The following DSC3 variants were observed in gnomAD, a reference collection of about 807,000 sequenced individuals.
DSC3 encodes desmocollin-3.
DSC3 carries 97 observed loss-of-function variants against 89.5 expected under a neutral mutation model. The ratio of observed to expected loss-of-function variants is 1.08; its 90% CI spans 0.92 to 1.28. The LOEUF (loss-of-function observed/expected upper bound fraction) is 1.28, where lower values mean the gene tolerates loss of function less well. DSC3 is among the 50% of genes most tolerant of loss of function. The probability of loss-of-function intolerance (pLI) is 0.00; values close to 1 mark genes in which losing one functional copy is unlikely to be tolerated. For missense variants in DSC3, 1,199 were observed against 1,085.3 expected, an observed-to-expected ratio of 1.10 and a Z score of -1.47; for synonymous variants, 436 against 384.1, an observed-to-expected ratio of 1.14 and a Z score of -1.58.
At chr18:31,037,153 TG>T (rs1199858655) in intron 1 of DSC3, among the ~76,000 whole-genome samples, 1 of 152,210 alleles carries the variant, frequency 6.6e-6, no homozygotes, top group Non-Finnish European at 1.5e-5. Context: ...TCACATTTTT[TG>T]TTACATTTAT....
At chr18:30,996,312 C>T (rs759965290) in intron 15 of DSC3, among the ~76,000 whole-genome samples, 7 of 152,092 alleles carry the variant, frequency 4.6e-5, no homozygotes, top group Non-Finnish European at 7.4e-5. Flanking sequence ...CATAATATCA[C>T]TTTGTGCCCC....
chr18:31,042,709 AGAGCGAG>A lies in DSC3; in HGVS notation c.-56_-50del. On this transcript the variant is annotated 5_prime_UTR_variant, in exon 1 of 16. Coordinates refer to ENST00000360428, the MANE Select transcript of DSC3 (RefSeq NM_001941.5). Reference sequence around the variant, plus strand: ...GAACGCGGGCGCCGGGAGGGTGCCGAGAGCGAGACCTGCCGAGGTGCAGGGCGCGGGA... The same window carrying A: ...GAACGCGGGCGCCGGGAGGGTGCCGAACCTGCCGAGGTGCAGGGCGCGGGA... 6.6e-7 allele frequency: 1 copy of A among 1,522,176 alleles called. No individual in the cohort carries two copies. The highest frequency in any genetic ancestry group is 1.2e-5 in the South Asian group (1 of 82,686). The allele number at this position is 1,522,176 out of a possible 1,614,324, so 94.3% of individuals were successfully genotyped here.
intron 1 of DSC3, among the ~76,000 whole-genome samples, chr18:31,036,007 T>C (rs537635473): frequency 6.6e-6 from 1 of 152,254 alleles, no homozygotes; most frequent in Admixed American, 6.5e-5. Flanking sequence ...CCACAGTTTA[T>C]TTTTAGTCAT....
intron 9 of DSC3, among the ~76,000 whole-genome samples, chr18:31,015,519 G>A (rs1985206289): frequency 6.7e-6 from 1 of 150,226 alleles, no homozygotes; most frequent in Non-Finnish European, 1.5e-5. Flanking sequence ...AAGTTTGCTA[G>A]AGATCATTTT....
chr18:31,035,284 C>A (rs1177653130), intron 1 of DSC3, among the ~76,000 whole-genome samples: 1 of 151,988 alleles, frequency 6.6e-6, no homozygotes, highest in African/African-American at 2.4e-5. Context: ...CCACCTTACC[C>A]TCACTTAAAT....
rs1984493975 is a variant in DSC3 at position 30,996,941 on chromosome 18, C to T, written c.2343G>A (p.Met781Ile). 3 of 1,614,124 alleles carry T rather than the reference C, an allele frequency of 1.9e-6. No homozygotes were observed. The highest frequency in any genetic ancestry group is 2.5e-6 in the Non-Finnish European group (3 of 1,180,010). Reference sequence around the variant, plus strand: ...CCAAGGTCTGGTTTCCTCCTTTCATCATTTCAATGGTTTCCTGCCCTCCAT... The same window carrying T: ...CCAAGGTCTGGTTTCCTCCTTTCATTATTTCAATGGTTTCCTGCCCTCCAT... ...MKNGGQETIE[M>I]MKGGNQTLES... Residue 781 changes from methionine to isoleucine, a missense_variant, in exon 15 of 16, where the codon ATG becomes ATA. By Grantham distance (10) the Met-to-Ile change is conservative. Transcript: ENST00000360428.
intron 9 of DSC3, among the ~76,000 whole-genome samples, chr18:31,009,900 T>C (rs557727196): frequency 6.6e-6 from 1 of 152,344 alleles, no homozygotes; most frequent in Non-Finnish European, 1.5e-5. Context: ...GCTGCTTAAT[T>C]GGCTCACTGA....
rs1984161446 is a variant in DSC3, at chr18:30,989,495, G to T, written c.*4680C>A. 6.6e-6 allele frequency among the ~76,000 whole-genome samples: 1 copy of T among 152,026 alleles called. No homozygotes were observed. Among genetic ancestry groups the T allele is most frequent in the Non-Finnish European group, 1.5e-5 (1 of 68,012 alleles). ...TGACTGCTTAAAAGGTTTCCTCTTG[G>T]GGTGATGAAAATGTTCCAGAACTAG... On this transcript the variant is annotated 3_prime_UTR_variant, in exon 16 of 16. Coordinates refer to ENST00000360428, the MANE Select transcript of DSC3 (RefSeq NM_001941.5).
Position 31,018,263 on chromosome 18 carries a change from CA to C in DSC3, c.1078-8del. ...CCTCTACAAATGCTTCATACTGAAA[CA>C]GAAAGAAGTCATTGAAAATTGAAAT... On this transcript the variant is annotated splice_region_variant and splice_polypyrimidine_tract_variant and intron_variant, in intron 8 of 15. Transcript: ENST00000360428. 6.2e-7 allele frequency: 1 copy of C among 1,600,554 alleles called. No individual in the cohort carries two copies. The highest frequency in any genetic ancestry group is 8.5e-7 in the Non-Finnish European group (1 of 1,175,114).
intron 9 of DSC3, among the ~76,000 whole-genome samples, chr18:31,012,591 C>T (rs1041089846): frequency 3.3e-5 from 5 of 152,156 alleles, no homozygotes; most frequent in Admixed American, 2.0e-4. Flanking sequence ...TCAGTCTACT[C>T]ATCTGGAAAT....
At chr18:31,039,353 A>G (rs2144743874) in intron 1 of DSC3, among the ~76,000 whole-genome samples, 1 of 152,262 alleles carries the variant, frequency 6.6e-6, no homozygotes, top group South Asian at 2.1e-4. Flanking sequence ...AAATACACAA[A>G]GTAGGCTTTC....
At position 31,025,740 on chromosome 18, in the gene DSC3, C is replaced by T. The variant is rs774864609; in HGVS notation, c.630+20G>A. 37 of 1,609,890 alleles carry T rather than the reference C, an allele frequency of 2.3e-5. No homozygotes were observed. Among genetic ancestry groups the T allele is most frequent in the Non-Finnish European group, 3.0e-5 (35 of 1,176,714 alleles). On this transcript the variant is annotated intron_variant, in intron 5 of 15. Coordinates refer to ENST00000360428, the MANE Select transcript of DSC3 (RefSeq NM_001941.5). ...CATAGTTTAATAATTTAAAGTCAGG[C>T]ATATCAATAAAAGTCCTACATCAAA...
At chr18:31,015,080 C>T (rs1440188907) in intron 9 of DSC3, among the ~76,000 whole-genome samples, 1 of 152,144 alleles carries the variant, frequency 6.6e-6, no homozygotes, top group Middle Eastern at 3.4e-3. Flanking sequence ...TTTTAAAATT[C>T]TAAAAATATT....
intron 1 of DSC3, among the ~76,000 whole-genome samples, chr18:31,033,939 T>A (rs1424052153): frequency 6.6e-6 from 1 of 152,200 alleles, no homozygotes; most frequent in Admixed American, 6.5e-5. Flanking sequence ...TTCTCCTGCC[T>A]CAGCCTCCGG....
rs1984223279 is a variant in DSC3, at chr18:30,991,077, T to G, written c.*3098A>C. 6.6e-6 allele frequency: 1 copy of G among 152,572 alleles called. No individual in the cohort carries two copies. Among genetic ancestry groups the G allele is most frequent in the African/African-American group, 2.4e-5 (1 of 41,466 alleles). The allele number at this position is 152,572 out of a possible 1,614,324, so 9.5% of individuals were successfully genotyped here. ...CAAAAACAAGAAACCAAGTTAATAT[T>G]GTTTTATTACATCTCCCCACATCTG... On this transcript the variant is annotated 3_prime_UTR_variant, in exon 16 of 16. Coordinates refer to ENST00000360428, the MANE Select transcript of DSC3 (RefSeq NM_001941.5).
At chr18:31,016,483 T>C (rs1352519509) in intron 9 of DSC3, among the ~76,000 whole-genome samples, 2 of 152,202 alleles carry the variant, frequency 1.3e-5, no homozygotes, top group African/African-American at 2.4e-5. Flanking sequence ...TCGAAACATA[T>C]GCCTGTACTA....
In DSC3 at chr18:30,995,996, A is replaced by AAAAAAGAAAG. The variant is rs1555631968; in HGVS notation, c.2493+794_2493+795insCTTTCTTTTT. ...TAAAAAAAAAAAAAAAAAAAAAAAAAAAAGAAAAGAAAGAAAAAAGCTTCT... is the reference window on the plus strand; with the variant it reads ...TAAAAAAAAAAAAAAAAAAAAAAAAAAAAAAGAAAGAAAGAAAAGAAAGAAAAAAGCTTCT... On this transcript the variant is annotated intron_variant, in intron 15 of 15. Transcript: ENST00000360428. Among the ~76,000 whole-genome samples the AAAAAAGAAAG allele has an allele frequency of 3.1e-4, 42 of 136,402 alleles. 2 individuals carry two copies. The highest frequency in any genetic ancestry group is 1.0e-3 in the African/African-American group (34 of 33,496). The allele number at this position is 136,402 out of a possible 152,430, so 89.5% of individuals were successfully genotyped here. A position where few individuals can be genotyped will look rare whatever the true frequency, so the allele number is the denominator to read the frequency against.
chr18:31,032,961 A>C (rs1478583096), intron 1 of DSC3, among the ~76,000 whole-genome samples: 1 of 152,194 alleles, frequency 6.6e-6, no homozygotes, highest in Non-Finnish European at 1.5e-5. Flanking sequence ...AAACTGTCTA[A>C]ATAAATGAGT....
intron 14 of DSC3, among the ~76,000 whole-genome samples, chr18:30,999,175 G>A (rs1984571455): frequency 6.6e-6 from 1 of 152,074 alleles, no homozygotes; most frequent in Non-Finnish European, 1.5e-5. Flanking sequence ...TTCAGGACAA[G>A]AACCTCCATT....
Sources: allele counts gnomAD v4.1 joint callset (sites outside exome capture counted in the v4.1 genomes callset), GRCh38; gene constraint gnomAD v4.1.1; transcripts MANE v1.5; gene names NCBI Gene and HGNC (gene_info 2026-07-23, HGNC 2026-07-21).